Variants in FCGR2A observed in about 807,000 individuals in gnomAD.
FCGR2A encodes the protein Fc gamma receptor IIa, also known as low affinity immunoglobulin gamma Fc region receptor II-a.
A neutral mutation model predicts 29.3 loss-of-function variants in FCGR2A; 18 were observed. The ratio of observed to expected loss-of-function variants is 0.62; its 90% CI spans 0.43 to 0.91. FCGR2A has a LOEUF of 0.91. FCGR2A is among the 40% of genes least tolerant of loss of function. FCGR2A has a pLI of 0.00. For missense variants in FCGR2A, 287 were observed against 393.0 expected, an observed-to-expected ratio of 0.73 and a Z score of 2.28; for synonymous variants, 126 against 144.8, an observed-to-expected ratio of 0.87 and a Z score of 0.93.
At chr1:161,514,635 T>G (rs1408859761) in intron 6 of FCGR2A, 1 of 153,012 alleles carries the variant, frequency 6.5e-6, no homozygotes, top group Non-Finnish European at 1.4e-5. Flanking sequence ...TTGCAACTTG[T>G]GTCCTGAGCT....
intron 5 of FCGR2A, among the ~76,000 whole-genome samples, 200 bp downstream of exon 5, chr1:161,511,156 A>T (rs572681133): frequency 1.3e-5 from 2 of 152,330 alleles, no homozygotes; most frequent in Admixed American, 1.3e-4. Flanking sequence ...CATGGGGATG[A>T]AAGAGGCTGA....
Position 161,519,326 on chromosome 1 carries a change from C to T in FCGR2A, c.*1178C>T, listed in dbSNP as rs1377765392. The T allele has an allele frequency of 5.2e-5, 8 of 152,670 alleles. No individual in the cohort carries two copies. Among genetic ancestry groups the T allele is most frequent in the Admixed American group, 5.2e-4 (8 of 15,280 alleles). The allele number at this position is 152,670 out of a possible 1,614,324, so 9.5% of individuals were successfully genotyped here. On this transcript the variant is annotated 3_prime_UTR_variant, in exon 7 of 7. Coordinates refer to ENST00000271450, the MANE Select transcript of FCGR2A (RefSeq NM_001136219.3). ...TCAAGAATCTTCTGTTCCACATCCA[C>T]ACAGCCAATACAATTAGTCAAACCA... is the stretch of plus-strand genomic sequence containing the variant.
At chr1:161,511,771 C>T (rs10800357) in intron 5 of FCGR2A, among the ~76,000 whole-genome samples, 54,862 of 152,036 alleles carry the variant, frequency 0.36, 10,075 homozygotes, top group Admixed American at 0.39. Context: ...CCCAGCTCTC[C>T]CAGGAGACCC....
chr1:161,507,151 T>C (rs1442138400), intron 3 of FCGR2A, among the ~76,000 whole-genome samples: 7 of 152,256 alleles, frequency 4.6e-5, no homozygotes, highest in Non-Finnish European at 1.0e-4. Context: ...TCACGTGATC[T>C]GATTTAGCTT....
intron 4 of FCGR2A, 106 bp downstream of exon 4, chr1:161,510,180 T>C (rs1204414712): frequency 8.4e-6 from 13 of 1,551,420 alleles, no homozygotes; most frequent in Non-Finnish European, 1.1e-5. Context: ...AGCAGCAAAA[T>C]TGGGCACTGG....
intron 5 of FCGR2A, among the ~76,000 whole-genome samples, chr1:161,511,219 G>A (rs1189256080): frequency 6.6e-6 from 1 of 152,186 alleles, no homozygotes; most frequent in East Asian, 1.9e-4. Context: ...CAGGGCTGTT[G>A]CCATTCTGGA....
intron 4 of FCGR2A, chr1:161,510,343 T>G (rs1432503608): frequency 1.5e-6 from 1 of 678,710 alleles, no homozygotes; most frequent in East Asian, 2.8e-5. Context: ...GAAGCAGAGC[T>G]CCCTCATTGA....
intron 6 of FCGR2A, among the ~76,000 whole-genome samples, chr1:161,515,728 C>G (rs1229011705): frequency 6.6e-6 from 1 of 152,084 alleles, no homozygotes; most frequent in African/African-American, 2.4e-5. Context: ...GCCATCAGAA[C>G]AGCTAACTTT....
intron 3 of FCGR2A, 38 bp downstream of exon 3, chr1:161,506,629 C>T (rs758905312): frequency 1.2e-5 from 20 of 1,611,858 alleles, no homozygotes; most frequent in Non-Finnish European, 1.7e-5. Flanking sequence ...CCTGGGAGGG[C>T]CAGGACGGAT....
chr1:161,515,647 A>G (rs1481226129), intron 6 of FCGR2A, among the ~76,000 whole-genome samples: 9 of 152,206 alleles, frequency 5.9e-5, no homozygotes, highest in Admixed American at 3.3e-4. Flanking sequence ...AAAAGGAGGA[A>G]TTTTTTAGAA....
At chr1:161,511,354 C>T (rs1675764076) in intron 5 of FCGR2A, among the ~76,000 whole-genome samples, 4 of 152,154 alleles carry the variant, frequency 2.6e-5, no homozygotes, top group African/African-American at 9.7e-5. Flanking sequence ...CTGCAAGCCT[C>T]TGAGAAAGAG....
At chr1:161,517,681 A>G (rs1207130500) in intron 6 of FCGR2A, among the ~76,000 whole-genome samples, 1 of 152,084 alleles carries the variant, frequency 6.6e-6, no homozygotes, top group Non-Finnish European at 1.5e-5. Context: ...TTGAAACTTT[A>G]TCATGGGTGA....
rs560156324 is a variant in FCGR2A at position 161,508,193 on chromosome 1, A to C, written c.364+1602A>C. Among the ~76,000 whole-genome samples, 5 of 152,064 alleles carry C rather than the reference A, an allele frequency of 3.3e-5. No homozygotes were observed. In the East Asian group the frequency reaches 9.6e-4, roughly 29 times the overall value. ...CAAAGAAATGCAACTGATTAGACCC[A>C]AGAGCTCAGCAGTTAATGGCACAGC... On this transcript the variant is annotated intron_variant, in intron 3 of 6. Transcript: ENST00000271450.
intron 6 of FCGR2A, among the ~76,000 whole-genome samples, chr1:161,515,758 C>T (rs1437564613): frequency 6.6e-6 from 1 of 152,126 alleles, no homozygotes; most frequent in Non-Finnish European, 1.5e-5. Flanking sequence ...CTAGATCCAA[C>T]TAATTAGTTT....
intron 5 of FCGR2A, among the ~76,000 whole-genome samples, chr1:161,512,507 G>C (rs1675865993): frequency 6.7e-6 from 1 of 149,940 alleles, no homozygotes; most frequent in African/African-American, 2.4e-5. Flanking sequence ...TCCTCACTGA[G>C]GAAATGAGTG....
At chr1:161,513,187 A>C (rs1413634044) in intron 5 of FCGR2A, 1 of 151,120 alleles carries the variant, frequency 6.6e-6, no homozygotes, top group Non-Finnish European at 1.5e-5. Flanking sequence ...CTTTGCAAAT[A>C]CTGGGGCTAC....
chr1:161,511,872 C>T (rs1188808525), intron 5 of FCGR2A, among the ~76,000 whole-genome samples: 2 of 152,168 alleles, frequency 1.3e-5, no homozygotes, highest in Non-Finnish European at 2.9e-5. Flanking sequence ...CCAGGGCTGC[C>T]GGCTGGACCT....
downstream of FCGR2A, chr1:161,523,658 G>GA (rs1676541649): frequency 1.3e-5 from 2 of 152,192 alleles, no homozygotes; most frequent in African/African-American, 4.8e-5. Flanking sequence ...CTTGGGCTGA[G>GA]TGGCGAGGTC....
downstream of FCGR2A, among the ~76,000 whole-genome samples, chr1:161,520,553 C>T (rs1288832047): frequency 6.6e-6 from 1 of 151,742 alleles, no homozygotes; most frequent in Non-Finnish European, 1.5e-5. Flanking sequence ...ACAGAGGCTC[C>T]TCAAATATGT....
Sources: allele counts gnomAD v4.1 joint callset (sites outside exome capture counted in the v4.1 genomes callset), GRCh38; gene constraint gnomAD v4.1.1; transcripts MANE v1.5; gene names NCBI Gene and HGNC (gene_info 2026-07-23, HGNC 2026-07-21).